Variants in AKAP6 observed in about 807,000 individuals in gnomAD.
AKAP6 encodes the protein A-kinase anchor protein 6.
AKAP6 carries 58 observed loss-of-function variants against 188.5 expected under a neutral mutation model. The ratio of observed to expected loss-of-function variants is 0.31; its 90% CI spans 0.25 to 0.38. AKAP6 has a LOEUF of 0.38. Ranked by LOEUF, AKAP6 falls within the 10% of genes least tolerant of loss-of-function variation. The pLI is 1.00. For synonymous variants in AKAP6, 989 were observed against 998.6 expected (o/e 0.99, Z 0.18); for missense variants, 2,710 against 2,740.0 (o/e 0.99, Z 0.24).
chr14:32,512,279 T>C (rs1881298829), intron 2 of AKAP6, among the ~76,000 whole-genome samples: 1 of 152,166 alleles, frequency 6.6e-6, no homozygotes, highest in Non-Finnish European at 1.5e-5. Flanking sequence ...ACTCCACTCG[T>C]TGTTTGATAT....
chr14:32,532,151 C>G (rs1394365560), intron 2 of AKAP6, among the ~76,000 whole-genome samples: 5 of 152,264 alleles, frequency 3.3e-5, no homozygotes, highest in East Asian at 3.9e-4. Context: ...GCAGTTGGTG[C>G]TGTCAGTAAT....
chr14:32,744,641 T>C (rs1023197000), intron 11 of AKAP6, among the ~76,000 whole-genome samples: 1 of 152,216 alleles, frequency 6.6e-6, no homozygotes, highest in African/African-American at 2.4e-5. Context: ...CTTGTACTTA[T>C]TGATATTTTT....
intron 11 of AKAP6, among the ~76,000 whole-genome samples, chr14:32,744,081 C>T (rs2031789761): frequency 6.6e-6 from 1 of 151,978 alleles, no homozygotes; most frequent in South Asian, 2.1e-4. Flanking sequence ...TTTTTTCCTT[C>T]AACACTTTAA....
chr14:32,332,696 G>A (rs551312811), intron 1 of AKAP6, among the ~76,000 whole-genome samples: 2 of 152,156 alleles, frequency 1.3e-5, no homozygotes, highest in South Asian at 4.1e-4. Context: ...ACCAGGTTCT[G>A]TTCTCAACCT....
chr14:32,740,845 G>A (rs2031639037), intron 11 of AKAP6, among the ~76,000 whole-genome samples: 1 of 151,878 alleles, frequency 6.6e-6, no homozygotes. Context: ...TAGCTATTCT[G>A]GGTCTTTTGT....
intron 1 of AKAP6, among the ~76,000 whole-genome samples, chr14:32,420,909 T>TGTGTGTGTGTGTG (rs1889820232): frequency 6.8e-6 from 1 of 146,410 alleles, no homozygotes; most frequent in Non-Finnish European, 1.5e-5. Context: ...GGAGATTGAT[T>TGTGTGTGTGTGTG]TGTGTGTGTG....
intron 7 of AKAP6, among the ~76,000 whole-genome samples, chr14:32,608,759 T>C (rs1886232554): frequency 6.6e-6 from 1 of 152,198 alleles, no homozygotes; most frequent in African/African-American, 2.4e-5. Context: ...ACTTACAGTC[T>C]GTGGAAAGCA....
At chr14:32,346,302 G>C (rs10137472) in intron 1 of AKAP6, among the ~76,000 whole-genome samples, 27,480 of 152,170 alleles carry the variant, frequency 0.18, 3,171 homozygotes, top group African/African-American at 0.33. Context: ...AATAAAGATG[G>C]AGAGAAATGT....
intron 1 of AKAP6, among the ~76,000 whole-genome samples, chr14:32,415,464 TAAC>T (rs1889627616): frequency 6.6e-6 from 1 of 152,212 alleles, no homozygotes; most frequent in Non-Finnish European, 1.5e-5. Flanking sequence ...CTTACATTGC[TAAC>T]AACATTTCTT....
intron 9 of AKAP6, chr14:32,726,342 A>G (rs2030874069): frequency 5.2e-6 from 2 of 384,714 alleles, no homozygotes; most frequent in South Asian, 2.2e-4. Flanking sequence ...CTTGGTTGAA[A>G]CTAATTAAAG....
At chr14:32,511,596 A>G (rs1400577071) in intron 2 of AKAP6, among the ~76,000 whole-genome samples, 1 of 152,012 alleles carries the variant, frequency 6.6e-6, no homozygotes, top group Non-Finnish European at 1.5e-5. Context: ...AGGCTCGTCT[A>G]GAACTCCTGA....
chr14:32,814,723 C>A (rs1038996699), intron 12 of AKAP6, among the ~76,000 whole-genome samples: 1 of 152,080 alleles, frequency 6.6e-6, no homozygotes, highest in Non-Finnish European at 1.5e-5. Context: ...GTAAATTTTT[C>A]CTTTCTTTCT....
intron 9 of AKAP6, among the ~76,000 whole-genome samples, chr14:32,719,575 A>G (rs1404505311): frequency 1.3e-5 from 2 of 152,202 alleles, no homozygotes; most frequent in Non-Finnish European, 2.9e-5. Context: ...TAAGAAATAT[A>G]TAGTTTCTTC....
intron 7 of AKAP6, among the ~76,000 whole-genome samples, chr14:32,604,336 AG>A (rs1886051426): frequency 6.6e-6 from 1 of 152,144 alleles, no homozygotes; most frequent in South Asian, 2.1e-4. Flanking sequence ...GCAAAACCCC[AG>A]GCCTCTACCT....
chr14:32,352,208 G>A (rs1240845356), intron 1 of AKAP6, among the ~76,000 whole-genome samples: 2 of 150,716 alleles, frequency 1.3e-5, no homozygotes, highest in African/African-American at 4.9e-5. Context: ...GATTGTAACA[G>A]TCTTTCATTG....
At chr14:32,777,354 A>G (rs2033101175) in intron 12 of AKAP6, among the ~76,000 whole-genome samples, 1 of 152,250 alleles carries the variant, frequency 6.6e-6, no homozygotes, top group South Asian at 2.1e-4. Context: ...GAATATGAAT[A>G]TTAATCAATA....
chr14:32,799,858 G>A (rs1478666467), intron 12 of AKAP6, among the ~76,000 whole-genome samples: 1 of 151,786 alleles, frequency 6.6e-6, no homozygotes, highest in Middle Eastern at 3.2e-3. Context: ...GTTCAACTAT[G>A]TACCTATTGA....
intron 9 of AKAP6, among the ~76,000 whole-genome samples, chr14:32,716,217 T>C (rs2030191818): frequency 6.6e-6 from 1 of 151,926 alleles, no homozygotes; most frequent in South Asian, 2.1e-4. Context: ...TCTGTCACCA[T>C]GTTTATGTTT....
chr14:32,649,416 C>A (rs1888116995), intron 7 of AKAP6, among the ~76,000 whole-genome samples: 1 of 152,066 alleles, frequency 6.6e-6, no homozygotes, highest in Non-Finnish European at 1.5e-5. Context: ...ATTATGTATG[C>A]CGATTGGCAG....
Sources: allele counts gnomAD v4.1 joint callset (sites outside exome capture counted in the v4.1 genomes callset), GRCh38; gene constraint gnomAD v4.1.1; transcripts MANE v1.5; gene names NCBI Gene and HGNC (gene_info 2026-07-23, HGNC 2026-07-21).